FSTL5: variants seen among roughly 807,000 people sequenced by gnomAD.
The protein encoded by FSTL5 is follistatin like 5.
Under a neutral mutation model 89.1 loss-of-function variants are expected in FSTL5, and 62 were observed. The ratio of observed to expected loss-of-function variants is 0.70; its 90% CI spans 0.57 to 0.86. The LOEUF is 0.86. Ranked by LOEUF, FSTL5 falls within the 40% of genes least tolerant of loss-of-function variation. The probability of loss-of-function intolerance (pLI) is 0.00; values close to 1 mark genes in which losing one functional copy is unlikely to be tolerated. For missense variants in FSTL5, 1,057 were observed against 1,001.6 expected (o/e 1.06, Z -0.75); for synonymous variants, 383 against 346.2 (o/e 1.11, Z -1.18).
chr4:162,071,112 A>C (rs1446203347), intron 2 of FSTL5, among the ~76,000 whole-genome samples: 1 of 151,946 alleles, frequency 6.6e-6, no homozygotes, highest in East Asian at 1.9e-4. Context: ...AACAGAATGA[A>C]ACATGTAACT....
intron 1 of FSTL5, among the ~76,000 whole-genome samples, chr4:162,145,110 C>T (rs1732922009): frequency 6.7e-6 from 1 of 148,352 alleles, no homozygotes; most frequent in Non-Finnish European, 1.5e-5. Context: ...AATGAATACA[C>T]ACATATTCAT....
At chr4:161,965,930 T>G (rs1389139822) in intron 3 of FSTL5, among the ~76,000 whole-genome samples, 2 of 152,232 alleles carry the variant, frequency 1.3e-5, no homozygotes, top group East Asian at 1.9e-4. Context: ...GCTTATAAAC[T>G]TAAGGACTAT....
At chr4:162,061,423 C>A (rs1301290008) in intron 2 of FSTL5, among the ~76,000 whole-genome samples, 2 of 152,128 alleles carry the variant, frequency 1.3e-5, no homozygotes, top group East Asian at 3.8e-4. Flanking sequence ...TCAGTGGATG[C>A]CTCAGACACC....
At chr4:161,533,915 G>A (rs1267075136) in intron 10 of FSTL5, among the ~76,000 whole-genome samples, 1 of 151,914 alleles carries the variant, frequency 6.6e-6, no homozygotes. Context: ...CTGGATTCAA[G>A]GGTGGTTCAA....
intron 7 of FSTL5, among the ~76,000 whole-genome samples, chr4:161,650,081 A>G (rs1055442032): frequency 6.6e-6 from 1 of 152,226 alleles, no homozygotes; most frequent in African/African-American, 2.4e-5. Context: ...ACTTTAACTA[A>G]TTTTCCCCCA....
At chr4:161,731,968 G>C (rs1446886256) in intron 6 of FSTL5, among the ~76,000 whole-genome samples, 1 of 151,896 alleles carries the variant, frequency 6.6e-6, no homozygotes, top group Non-Finnish European at 1.5e-5. Flanking sequence ...CATATGTTTT[G>C]TGTGACATTG....
intron 12 of FSTL5, among the ~76,000 whole-genome samples, chr4:161,491,143 T>G (rs2126469953): frequency 6.6e-6 from 1 of 152,106 alleles, no homozygotes; most frequent in South Asian, 2.1e-4. Flanking sequence ...CAGGCCACAT[T>G]ATCCATTTTA....
At chr4:161,916,270 C>G (rs1419174736) in intron 4 of FSTL5, among the ~76,000 whole-genome samples, 1 of 152,164 alleles carries the variant, frequency 6.6e-6, no homozygotes, top group Non-Finnish European at 1.5e-5. Context: ...AATTGACTCT[C>G]ATAAAAGGTT....
At chr4:161,474,711 A>G (rs761993704) in intron 13 of FSTL5, among the ~76,000 whole-genome samples, 6 of 151,802 alleles carry the variant, frequency 4.0e-5, no homozygotes, top group Non-Finnish European at 7.4e-5. Context: ...ACGCCTGGCT[A>G]ATTTTTCGTA....
chr4:161,986,720 A>C (rs768722363), intron 3 of FSTL5, among the ~76,000 whole-genome samples: 18 of 152,168 alleles, frequency 1.2e-4, no homozygotes, highest in Non-Finnish European at 7.3e-5. Flanking sequence ...GTGAATTAAC[A>C]GCTTTCTGAA....
rs916174293 is a variant in FSTL5 at position 161,405,811 on chromosome 4, A to G, written c.1842-19362T>C. ...ACCACAAAGGAAGCGACTCATCATG[A>G]ACAAAAGATCCTAAATAAGATTAAC... On this transcript the variant is annotated intron_variant, in intron 15 of 15. Coordinates refer to ENST00000306100, the MANE Select transcript of FSTL5 (RefSeq NM_020116.5). 2.0e-5 allele frequency among the ~76,000 whole-genome samples: 3 copies of G among 152,322 alleles called. No homozygotes were observed. The South Asian group carries it at 6.2e-4, about 32-fold the overall frequency.
intron 6 of FSTL5, among the ~76,000 whole-genome samples, chr4:161,756,972 T>C (rs57382552): frequency 0.2 from 30,455 of 152,084 alleles, 3,090 homozygotes; most frequent in Middle Eastern, 0.32. Context: ...TATCTTTCTA[T>C]TGAGAGATGG....
intron 8 of FSTL5, chr4:161,552,710 T>A (rs1479006719): frequency 6.6e-6 from 1 of 151,754 alleles, no homozygotes; most frequent in African/African-American, 2.4e-5. Flanking sequence ...AGTTTATTGG[T>A]GTTAAATGAT....
chr4:161,831,951 T>C (rs984721091), intron 4 of FSTL5, among the ~76,000 whole-genome samples: 1 of 151,974 alleles, frequency 6.6e-6, no homozygotes, highest in African/African-American at 2.4e-5. Flanking sequence ...TATTAAGTGA[T>C]TCAGATACTA....
chr4:161,882,914 A>C (rs1732680670), intron 4 of FSTL5, among the ~76,000 whole-genome samples: 1 of 152,150 alleles, frequency 6.6e-6, no homozygotes, highest in African/African-American at 2.4e-5. Context: ...ATTGCAATAT[A>C]TGAATAGTTT....
intron 15 of FSTL5, among the ~76,000 whole-genome samples, chr4:161,441,675 G>C (rs557915854): frequency 6.6e-6 from 1 of 151,970 alleles, no homozygotes; most frequent in Non-Finnish European, 1.5e-5. Context: ...TCTACCTGAG[G>C]AAAAAATAGG....
At chr4:161,416,856 A>AAG (rs1553984136) in intron 15 of FSTL5, among the ~76,000 whole-genome samples, 1 of 150,470 alleles carries the variant, frequency 6.6e-6, no homozygotes, top group Admixed American at 6.7e-5. Context: ...AAAAAAAAAA[A>AAG]AAAAAGAAAG....
rs145734477 is a variant in FSTL5, at chr4:161,708,580, A to G, written c.727+50831T>C. ...CATTTAGCGCCTTCAGTCTTTACTT[A>G]TGCTAAATTAAAGTCATTTATATAA... On this transcript the variant is annotated intron_variant, in intron 6 of 15. Coordinates refer to ENST00000306100, the MANE Select transcript of FSTL5 (RefSeq NM_020116.5). Among the ~76,000 whole-genome samples, 908 of 152,186 alleles carry G rather than the reference A, an allele frequency of 6.0e-3. 13 individuals are homozygous for G. The highest frequency in any genetic ancestry group is 0.046 in the South Asian group (223 of 4,828).
chr4:161,714,920 T>C (rs1738924731), intron 6 of FSTL5, among the ~76,000 whole-genome samples: 1 of 152,178 alleles, frequency 6.6e-6, no homozygotes, highest in Non-Finnish European at 1.5e-5. Flanking sequence ...AATATACATA[T>C]TTTCTTTCCA....
Sources: gnomAD v4.1 joint callset for allele counts (sites outside exome capture counted in the v4.1 genomes callset) on GRCh38, gnomAD v4.1.1 for gene constraint, MANE v1.5 for transcripts, NCBI Gene and HGNC (gene_info 2026-07-23, HGNC 2026-07-21) for gene names.